CSMD1: variants seen among roughly 807,000 people sequenced by gnomAD.
CSMD1 encodes CUB and Sushi multiple domains 1, also known as CUB and sushi domain-containing protein 1.
CSMD1 carries 213 observed loss-of-function variants against 417.5 expected under a neutral mutation model. The ratio of observed to expected loss-of-function variants is 0.51; its 90% CI spans 0.46 to 0.57. The LOEUF is 0.57. Ranked by LOEUF, CSMD1 falls within the 20% of genes least tolerant of loss-of-function variation. CSMD1 has a pLI of 0.00. For synonymous variants in CSMD1, 2,862 were observed against 1,736.8 expected (o/e 1.65, Z -16.11); for missense variants, 6,923 against 4,529.7 (o/e 1.53, Z -15.17).
chr8:3,649,957 A>T (rs1441033250), intron 7 of CSMD1, among the ~76,000 whole-genome samples: 1 of 150,808 alleles, frequency 6.6e-6, no homozygotes, highest in Non-Finnish European at 1.5e-5. Flanking sequence ...TTTAAAAAAC[A>T]ATCTTAAATG....
chr8:4,633,803 C>T (rs1170707996), intron 2 of CSMD1, among the ~76,000 whole-genome samples: 1 of 151,970 alleles, frequency 6.6e-6, no homozygotes, highest in East Asian at 1.9e-4. Context: ...TCAGGTGATC[C>T]ACCCGCCTTA....
intron 7 of CSMD1, among the ~76,000 whole-genome samples, chr8:3,685,225 C>A (rs144928370): frequency 1.2e-3 from 182 of 152,266 alleles, no homozygotes; most frequent in Non-Finnish European, 2.0e-3. Context: ...TTGTTTTACA[C>A]CAAAAATAGT....
At chr8:4,811,692 A>G (rs1798917689) in intron 1 of CSMD1, among the ~76,000 whole-genome samples, 2 of 152,096 alleles carry the variant, frequency 1.3e-5, no homozygotes, top group Admixed American at 1.3e-4. Flanking sequence ...ATTGAGTCAC[A>G]GAAATAAGAA....
intron 3 of CSMD1, among the ~76,000 whole-genome samples, chr8:4,383,183 A>G (rs1803217184): frequency 1.3e-5 from 2 of 152,184 alleles, no homozygotes; most frequent in Admixed American, 6.6e-5. Context: ...GATGACATTC[A>G]GAAGTATATA....
intron 3 of CSMD1, among the ~76,000 whole-genome samples, chr8:4,337,527 C>T (rs1174334740): frequency 3.3e-5 from 5 of 152,108 alleles, no homozygotes; most frequent in African/African-American, 9.7e-5. Context: ...CAGATCGTAA[C>T]ATTATTTTTA....
chr8:3,656,881 C>A (rs532455051), intron 7 of CSMD1, among the ~76,000 whole-genome samples: 1 of 151,194 alleles, frequency 6.6e-6, no homozygotes, highest in African/African-American at 2.4e-5. Flanking sequence ...GCCAAGATCA[C>A]ACCACTGCAC....
At chr8:4,939,849 A>C (rs1248862503) in intron 1 of CSMD1, among the ~76,000 whole-genome samples, 1 of 152,244 alleles carries the variant, frequency 6.6e-6, no homozygotes, top group Non-Finnish European at 1.5e-5. Context: ...ATGGAAGTGA[A>C]TAAGCTCCAC....
chr8:4,214,460 G>A (rs889967718), intron 3 of CSMD1, among the ~76,000 whole-genome samples: 2 of 152,036 alleles, frequency 1.3e-5, no homozygotes, highest in Non-Finnish European at 2.9e-5. Context: ...ACCACACTTG[G>A]CTAATGTTTG....
At position 4,487,643 on chromosome 8, in the gene CSMD1, G is replaced by C. The variant is rs138235657; in HGVS notation, c.303-67578C>G. ...TAAAGTAGAAATAAGGCACACCCTT[G>C]ATTTTGTTTCAAAAAAAGGATTTTT... On this transcript the variant is annotated intron_variant, in intron 2 of 69. Coordinates refer to ENST00000635120, the MANE Select transcript of CSMD1 (RefSeq NM_033225.6). 1.1e-4 allele frequency among the ~76,000 whole-genome samples: 17 copies of C among 152,152 alleles called. No homozygotes were observed. The East Asian group carries it at 2.3e-3, about 21-fold the overall frequency.
At chr8:3,183,818 T>C (rs146726528) in intron 36 of CSMD1, among the ~76,000 whole-genome samples, 1 of 152,340 alleles carries the variant, frequency 6.6e-6, no homozygotes, top group East Asian at 1.9e-4. Flanking sequence ...GCATTCTAAA[T>C]ATTTTCCCAA....
chr8:3,716,236 A>C (rs573866126), intron 6 of CSMD1, among the ~76,000 whole-genome samples: 1 of 152,224 alleles, frequency 6.6e-6, no homozygotes, highest in South Asian at 2.1e-4. Context: ...AGTGGTCCTG[A>C]TCCAGACCCC....
intron 2 of CSMD1, among the ~76,000 whole-genome samples, chr8:4,557,754 G>A (rs1046955555): frequency 2.7e-5 from 4 of 150,210 alleles, no homozygotes; most frequent in Admixed American, 2.6e-4. Flanking sequence ...AAAGGTGTTT[G>A]ACAGCATTAA....
At chr8:4,273,947 G>C (rs1048082571) in intron 3 of CSMD1, among the ~76,000 whole-genome samples, 2 of 152,176 alleles carry the variant, frequency 1.3e-5, no homozygotes, top group African/African-American at 2.4e-5. Context: ...GGCTGTTGAA[G>C]TGTCCTGGGA....
chr8:4,011,942 A>G (rs1031706304), intron 4 of CSMD1, among the ~76,000 whole-genome samples: 1 of 152,218 alleles, frequency 6.6e-6, no homozygotes, highest in African/African-American at 2.4e-5. Flanking sequence ...TATACTTTAA[A>G]TCATCTCTCC....
intron 1 of CSMD1, among the ~76,000 whole-genome samples, chr8:4,793,884 T>C (rs1036079384): frequency 2.2e-4 from 33 of 150,174 alleles, no homozygotes; most frequent in African/African-American, 8.1e-4. Flanking sequence ...TTAATAAGAA[T>C]GATCAGGTAG....
chr8:3,190,661 G>C (rs1438690044), intron 33 of CSMD1, among the ~76,000 whole-genome samples: 1 of 152,060 alleles, frequency 6.6e-6, no homozygotes, highest in East Asian at 1.9e-4. Flanking sequence ...ATTTAAATTG[G>C]GATCCCAGAG....
intron 1 of CSMD1, among the ~76,000 whole-genome samples, chr8:4,988,711 G>A (rs1189314310): frequency 6.6e-6 from 1 of 152,192 alleles, no homozygotes; most frequent in East Asian, 1.9e-4. Flanking sequence ...AGCACTGATG[G>A]CATTTTCCTC....
intron 51 of CSMD1, 72 bp from the exon 52 acceptor site, chr8:3,018,722 CA>C (rs1325635713): frequency 7.2e-7 from 1 of 1,386,502 alleles, no homozygotes; most frequent in South Asian, 1.4e-5. Flanking sequence ...AACAAACAAA[CA>C]AAAACAAACA....
chr8:3,452,152 T>C (rs548225784), intron 12 of CSMD1, among the ~76,000 whole-genome samples: 1 of 152,354 alleles, frequency 6.6e-6, no homozygotes, highest in African/African-American at 2.4e-5. Flanking sequence ...CTTGTGATTT[T>C]TGCACACTGA....
Sources: allele counts gnomAD v4.1 joint callset (sites outside exome capture counted in the v4.1 genomes callset), GRCh38; gene constraint gnomAD v4.1.1; transcripts MANE v1.5; gene names NCBI Gene and HGNC (gene_info 2026-07-23, HGNC 2026-07-21).